Variants in TMEM182 observed in about 807,000 individuals in gnomAD.
TMEM182 encodes transmembrane protein 182.
A neutral mutation model predicts 26.8 loss-of-function variants in TMEM182; 20 were observed. The ratio of observed to expected loss-of-function variants is 0.75; its 90% CI spans 0.53 to 1.09. TMEM182 has a LOEUF of 1.09. Among genes scored for constraint, TMEM182 ranks in the 50% least tolerant of loss-of-function variants. The pLI, the probability that TMEM182 is intolerant of heterozygous loss-of-function variation, is 0.00. For missense variants in TMEM182, 277 were observed against 275.5 expected, an observed-to-expected ratio of 1.01 and a Z score of -0.04; for synonymous variants, 109 against 102.2, an observed-to-expected ratio of 1.07 and a Z score of -0.40.
intron 4 of TMEM182, among the ~76,000 whole-genome samples, chr2:102,800,483 C>T (rs1043483018): frequency 5.3e-5 from 8 of 152,082 alleles, no homozygotes; most frequent in African/African-American, 1.9e-4. Flanking sequence ...ATCCCATATC[C>T]TTATATCCCT....
chr2:102,743,424 G>A (rs1216156757), intron 1 of TMEM182, among the ~76,000 whole-genome samples: 1 of 152,124 alleles, frequency 6.6e-6, no homozygotes, highest in African/African-American at 2.4e-5. Context: ...TTCGAGCTCA[G>A]GAATGGGAGG....
downstream of TMEM182, among the ~76,000 whole-genome samples, chr2:102,820,174 T>C (rs1284177148): frequency 6.6e-6 from 1 of 152,184 alleles, no homozygotes; most frequent in African/African-American, 2.4e-5. Context: ...CCTAGGGTGT[T>C]GTGTGGAATG....
At chr2:102,824,873 T>C (rs1227698104) in intron 3 of TMEM182, among the ~76,000 whole-genome samples, 1 of 152,166 alleles carries the variant, frequency 6.6e-6, no homozygotes, top group Non-Finnish European at 1.5e-5. Context: ...CCTTTCGCCT[T>C]CTGCCATGAT....
chr2:102,765,413 C>T lies in TMEM182; in HGVS notation c.331+986C>T, dbSNP rs374279247. 1.2e-4 allele frequency among the ~76,000 whole-genome samples: 19 copies of T among 152,198 alleles called. No homozygotes were observed. The East Asian group carries it at 1.5e-3, about 12-fold the overall frequency. On this transcript the variant is annotated intron_variant, in intron 3 of 4. Coordinates refer to ENST00000412401, the MANE Select transcript of TMEM182 (RefSeq NM_144632.5). ...AATCTTCAACTGATTGGATGAGGCC[C>T]GCTCATAGTATGGGGTAGGGGGTAA...
intron 1 of TMEM182, among the ~76,000 whole-genome samples, chr2:102,750,898 C>G (rs1269611726): frequency 1.3e-5 from 2 of 152,170 alleles, no homozygotes; most frequent in African/African-American, 4.8e-5. Flanking sequence ...TCTCATAGTT[C>G]TGAAAGCTGG....
At chr2:102,822,766 A>C (rs905022305) in intron 3 of TMEM182, among the ~76,000 whole-genome samples, 1 of 152,192 alleles carries the variant, frequency 6.6e-6, no homozygotes, top group African/African-American at 2.4e-5. Flanking sequence ...GAAGAGGGCC[A>C]TGAAAAAAGT....
intron 3 of TMEM182, among the ~76,000 whole-genome samples, chr2:102,776,863 A>G (rs2732851): frequency 0.31 from 46,514 of 152,020 alleles, 7,302 homozygotes; most frequent in South Asian, 0.42. Context: ...GTGTAGTAGC[A>G]TCTCATTGTT....
intron 4 of TMEM182, among the ~76,000 whole-genome samples, chr2:102,809,347 T>C (rs556582527): frequency 6.6e-6 from 1 of 152,308 alleles, no homozygotes; most frequent in African/African-American, 2.4e-5. Flanking sequence ...AATACATAGC[T>C]TATCAAATTT....
intron 3 of TMEM182, among the ~76,000 whole-genome samples, chr2:102,788,833 A>G (rs1681513829): frequency 1.3e-5 from 2 of 152,142 alleles, no homozygotes; most frequent in African/African-American, 2.4e-5. Context: ...ATCTGATCTC[A>G]GAGTTCTTAG....
chr2:102,775,186 C>T, intron 3 of TMEM182: 1 of 152,134 alleles, frequency 6.6e-6, no homozygotes, highest in Non-Finnish European at 1.5e-5. Context: ...AAAGCTTATC[C>T]ACCATGATCA....
chr2:102,741,310 T>G (rs4467294), intron 1 of TMEM182, among the ~76,000 whole-genome samples: 11,196 of 152,190 alleles, frequency 0.074, 507 homozygotes, highest in Middle Eastern at 0.11. Context: ...AGAGAGTTAG[T>G]TTTAGGGATA....
intron 1 of TMEM182, among the ~76,000 whole-genome samples, chr2:102,750,405 T>C (rs1679844228): frequency 6.6e-6 from 1 of 152,190 alleles, no homozygotes; most frequent in African/African-American, 2.4e-5. Context: ...ATACCTGTTT[T>C]TTGCCGATGT....
At chr2:102,807,792 A>G (rs1307752522) in intron 4 of TMEM182, among the ~76,000 whole-genome samples, 2 of 152,198 alleles carry the variant, frequency 1.3e-5, no homozygotes, top group African/African-American at 4.8e-5. Context: ...AAGTAGAGAA[A>G]GCCCTCAGAC....
intron 3 of TMEM182, among the ~76,000 whole-genome samples, chr2:102,774,250 CTT>C (rs774047240): frequency 2.1e-5 from 2 of 96,122 alleles, no homozygotes; most frequent in Admixed American, 1.3e-4. Flanking sequence ...TTCTTTCTTT[CTT>C]TTTTTTTTTT....
intron 1 of TMEM182, among the ~76,000 whole-genome samples, chr2:102,753,198 C>G (rs1679927003): frequency 7.2e-6 from 1 of 138,380 alleles, no homozygotes; most frequent in African/African-American, 2.8e-5. Context: ...TAAGCTTCCC[C>G]CCCCCACTGC....
rs76316493 is a variant in TMEM182 at position 102,745,003 on chromosome 2, C to T, written c.-83+7990C>T. 5.5e-3 allele frequency among the ~76,000 whole-genome samples: 832 copies of T among 152,046 alleles called. 12 individuals are homozygous for T. Among genetic ancestry groups the T allele is most frequent in the African/African-American group, 0.019 (778 of 41,502 alleles). On this transcript the variant is annotated intron_variant, in intron 1 of 5. Coordinates refer to the TMEM182 transcript ENST00000409173. ...TGTATCTTCAAATATTTCTTCTTTC[C>T]CATTTTCTTTATCTTCTAATTCTAG...
intron 4 of TMEM182, among the ~76,000 whole-genome samples, chr2:102,813,376 G>A (rs1682624766): frequency 6.6e-6 from 1 of 152,218 alleles, no homozygotes; most frequent in Non-Finnish European, 1.5e-5. Flanking sequence ...CTCAGTCTCT[G>A]CTCCTAGTCT....
intron 3 of TMEM182, among the ~76,000 whole-genome samples, chr2:102,842,036 G>A (rs181603773): frequency 1.4e-3 from 208 of 152,134 alleles, no homozygotes; most frequent in Non-Finnish European, 2.3e-3. Context: ...TTTCATTATC[G>A]TTCTAATATT....
At chr2:102,786,005 G>A (rs1269780045) in intron 3 of TMEM182, among the ~76,000 whole-genome samples, 1 of 150,134 alleles carries the variant, frequency 6.7e-6, no homozygotes, top group African/African-American at 2.4e-5. Context: ...TCATGGCTTA[G>A]TCTAAAAGAT....
Sources: gnomAD v4.1 joint callset for allele counts (sites outside exome capture counted in the v4.1 genomes callset) on GRCh38, gnomAD v4.1.1 for gene constraint, MANE v1.5 for transcripts, NCBI Gene and HGNC (gene_info 2026-07-23, HGNC 2026-07-21) for gene names.